The following SMCO2 variants were observed in gnomAD, a reference collection of about 807,000 sequenced individuals.
SMCO2 encodes single-pass membrane and coiled-coil domain-containing protein 2.
In SMCO2, 25 loss-of-function variants were observed where a neutral mutation model predicts 29.5. The observed-to-expected ratio is 0.85, with a 90% CI of 0.62 to 1.18. The LOEUF is 1.18. Among genes scored for constraint, SMCO2 ranks in the 50% most tolerant of loss-of-function variants. The pLI, the probability that SMCO2 is intolerant of heterozygous loss-of-function variation, is 0.00. For missense variants in SMCO2, 348 were observed against 344.5 expected (o/e 1.01, Z -0.08); for synonymous variants, 117 against 123.3 (o/e 0.95, Z 0.34).
the SMCO2 span, among the ~76,000 whole-genome samples, chr12:27,441,122 G>A: frequency 6.6e-6 from 1 of 151,860 alleles, no homozygotes; most frequent in Non-Finnish European, 1.5e-5. Context: ...AGCTGGGCAC[G>A]GTGGCACACG....
chr12:27,464,333 C>T (rs554240956), upstream of SMCO2, among the ~76,000 whole-genome samples: 79 of 152,222 alleles, frequency 5.2e-4, no homozygotes, highest in Non-Finnish European at 8.5e-4. Flanking sequence ...GAGCTGGCAG[C>T]ATTCAGGGGC....
chr12:27,435,974 G>A, the SMCO2 span, among the ~76,000 whole-genome samples: 1 of 152,214 alleles, frequency 6.6e-6, no homozygotes, highest in African/African-American at 2.4e-5. Context: ...CACACAGTCT[G>A]GAGGCTGAGA....
At chr12:27,487,940 T>TA (rs1949703429) in intron 4 of SMCO2, among the ~76,000 whole-genome samples, 1 of 147,246 alleles carries the variant, frequency 6.8e-6, no homozygotes, top group African/African-American at 2.7e-5. Context: ...AGGTTTTTTT[T>TA]TAATGTTGAG....
intron 4 of SMCO2, among the ~76,000 whole-genome samples, chr12:27,478,915 G>A (rs1251129194): frequency 6.6e-6 from 1 of 152,180 alleles, no homozygotes; most frequent in Non-Finnish European, 1.5e-5. Flanking sequence ...GATGGTGGCA[G>A]TGGCAGGGTG....
chr12:27,482,868 AG>A lies in SMCO2; in HGVS notation c.363-5590del, dbSNP rs1384435014. Among the ~76,000 whole-genome samples the A allele has an allele frequency of 2.0e-5, 3 of 152,198 alleles. No individual in the cohort carries two copies. In the East Asian group the frequency reaches 5.8e-4, roughly 29 times the overall value. ...CTGTTTCCCTAGTAGTTGGGACTGC[AG>A]GTGCACACCACCAGGCCCAGCTAAT... On this transcript the variant is annotated intron_variant, in intron 4 of 7. Transcript: ENST00000298876.
At chr12:27,499,856 A>G (rs1452283639) in intron 7 of SMCO2, among the ~76,000 whole-genome samples, 4 of 150,450 alleles carry the variant, frequency 2.7e-5, no homozygotes, top group Non-Finnish European at 2.9e-5. Flanking sequence ...TTATGAATCG[A>G]TTTTTGCTGG....
At chr12:27,436,802 C>T in the SMCO2 span, among the ~76,000 whole-genome samples, 2 of 152,154 alleles carry the variant, frequency 1.3e-5, no homozygotes, top group Non-Finnish European at 2.9e-5. Flanking sequence ...TGGTAATGGG[C>T]TAGATATAGA....
the SMCO2 span, among the ~76,000 whole-genome samples, chr12:27,439,073 T>C: frequency 6.6e-6 from 1 of 152,206 alleles, no homozygotes; most frequent in Non-Finnish European, 1.5e-5. Flanking sequence ...AGGAGAACTG[T>C]CCTTGCCTTA....
At chr12:27,425,282 A>G in the SMCO2 span, 2 of 152,030 alleles carry the variant, frequency 1.3e-5, no homozygotes, top group Admixed American at 6.6e-5. Context: ...AACTTCCTCC[A>G]AAAAGTGCTC....
chr12:27,501,632 T>TTGCAATA (rs1943079796), intron 7 of SMCO2, among the ~76,000 whole-genome samples: 1 of 150,160 alleles, frequency 6.7e-6, no homozygotes, highest in African/African-American at 2.5e-5. Flanking sequence ...GAGGTAAAGA[T>TTGCAATA]TGCAATAACC....
chr12:27,440,706 G>A, the SMCO2 span, among the ~76,000 whole-genome samples: 1 of 132,850 alleles, frequency 7.5e-6, no homozygotes, highest in African/African-American at 2.8e-5. Flanking sequence ...TCTAGGATAA[G>A]TTGTTATCTC....
intron 2 of SMCO2, among the ~76,000 whole-genome samples, chr12:27,471,831 G>A (rs538314552): frequency 6.6e-5 from 10 of 152,252 alleles, no homozygotes; most frequent in South Asian, 6.2e-4. Flanking sequence ...ATTTTTGCTC[G>A]GAGTGAAAAT....
chr12:27,443,083 A>G, the SMCO2 span, among the ~76,000 whole-genome samples: 4 of 152,214 alleles, frequency 2.6e-5, no homozygotes. Context: ...TACAGGTCAT[A>G]TTTCTGATGG....
the SMCO2 span, among the ~76,000 whole-genome samples, chr12:27,442,763 G>A: frequency 6.6e-6 from 1 of 152,132 alleles, no homozygotes; most frequent in Non-Finnish European, 1.5e-5. Context: ...TGCAACTACA[G>A]GCATGCGCCA....
intron 5 of SMCO2, among the ~76,000 whole-genome samples, chr12:27,491,010 G>C (rs1949730982): frequency 6.6e-6 from 1 of 152,094 alleles, no homozygotes; most frequent in African/African-American, 2.4e-5. Context: ...CAGAAGCAAA[G>C]TTAGTAGCAA....
At chr12:27,455,372 A>T in the SMCO2 span, among the ~76,000 whole-genome samples, 3 of 152,224 alleles carry the variant, frequency 2.0e-5, no homozygotes, top group Non-Finnish European at 4.4e-5. Context: ...CTTTATAGAG[A>T]GGTGTCTTCA....
chr12:27,468,131 A>G (rs1423703164), intron 1 of SMCO2, among the ~76,000 whole-genome samples: 5 of 152,184 alleles, frequency 3.3e-5, no homozygotes, highest in South Asian at 2.1e-4. Context: ...CCCCCAGACA[A>G]TAAGATAAGG....
At chr12:27,424,305 A>G in the SMCO2 span, 13 of 152,246 alleles carry the variant, frequency 8.5e-5, no homozygotes, top group African/African-American at 3.1e-4. Context: ...AAGATCAAAT[A>G]ACAAGTCTCT....
intron 4 of SMCO2, among the ~76,000 whole-genome samples, chr12:27,481,325 G>A (rs389489): frequency 0.12 from 18,562 of 152,238 alleles, 2,201 homozygotes; most frequent in African/African-American, 0.29. Flanking sequence ...TGCAAAGGCC[G>A]AGGAACTCTC....
Sources: allele counts gnomAD v4.1 joint callset (sites outside exome capture counted in the v4.1 genomes callset), GRCh38; gene constraint gnomAD v4.1.1; transcripts MANE v1.5; gene names NCBI Gene and HGNC (gene_info 2026-07-23, HGNC 2026-07-21).